ALMS1: variants seen among roughly 807,000 people sequenced by gnomAD.
ALMS1 encodes the protein ALMS1 centrosome and basal body associated protein.
Under a neutral mutation model 352.2 loss-of-function variants are expected in ALMS1, and 271 were observed. The ratio of observed to expected loss-of-function variants is 0.77; its 90% CI spans 0.70 to 0.85. The LOEUF (loss-of-function observed/expected upper bound fraction) is 0.85, where lower values mean the gene tolerates loss of function less well. Among genes scored for constraint, ALMS1 ranks in the 40% least tolerant of loss-of-function variants. ALMS1 has a pLI of 0.00. For missense variants in ALMS1, 5,445 were observed against 4,870.7 expected (o/e 1.12, Z -3.51); for synonymous variants, 1,865 against 1,761.2 (o/e 1.06, Z -1.48).
In ALMS1 at chr2:73,593,170, C is replaced by T. The variant is rs72913456; in HGVS notation, c.11548-6231C>T. 6.9e-3 allele frequency among the ~76,000 whole-genome samples: 1,039 copies of T among 150,300 alleles called. 12 individuals carry two copies. The highest frequency in any genetic ancestry group is 0.023 in the African/African-American group (917 of 40,666). The stretch of plus-strand genomic sequence containing the variant: ...AAGTGAACTGTTTTGGTTTACTGAC[C>T]GCATATATAAATGGATTCAGGAAAA... On this transcript the variant is annotated intron_variant, in intron 16 of 22. Coordinates refer to ENST00000613296, the MANE Select transcript of ALMS1 (RefSeq NM_001378454.1).
chr2:73,544,267 C>CA (rs1006900471), intron 12 of ALMS1, among the ~76,000 whole-genome samples: 41 of 151,930 alleles, frequency 2.7e-4, no homozygotes, highest in Non-Finnish European at 5.6e-4. Flanking sequence ...ATTGCAAAGA[C>CA]AAAAAACCAA....
At chr2:73,570,986 G>A (rs551187420) in intron 15 of ALMS1, among the ~76,000 whole-genome samples, 2 of 151,988 alleles carry the variant, frequency 1.3e-5, no homozygotes, top group Non-Finnish European at 2.9e-5. Context: ...TTTGTTCTTT[G>A]TAGCCCCTAA....
chr2:73,547,315 A>G (rs1674343210), intron 12 of ALMS1, among the ~76,000 whole-genome samples: 1 of 152,250 alleles, frequency 6.6e-6, no homozygotes, highest in South Asian at 2.1e-4. Flanking sequence ...CAAAAAAAGC[A>G]TATTGATTAA....
intron 6 of ALMS1, among the ~76,000 whole-genome samples, chr2:73,430,229 C>T (rs1220488968): frequency 1.3e-4 from 19 of 151,774 alleles, no homozygotes; most frequent in Admixed American, 1.1e-3. Context: ...GGTGCCCGCC[C>T]CCATGCCCGG....
At chr2:73,405,998 G>GTATA (rs966050126) in intron 1 of ALMS1, among the ~76,000 whole-genome samples, 1 of 152,208 alleles carries the variant, frequency 6.6e-6, no homozygotes. Context: ...ATATTGTGCT[G>GTATA]TTGTTGGGTG....
intron 5 of ALMS1, among the ~76,000 whole-genome samples, chr2:73,425,407 C>T (rs1671360046): frequency 6.6e-6 from 1 of 152,248 alleles, no homozygotes; most frequent in African/African-American, 2.4e-5. Context: ...GTAAAAGTTT[C>T]AGAAGCACAT....
chr2:73,443,188 C>G (rs1376964960), intron 7 of ALMS1, among the ~76,000 whole-genome samples: 1 of 152,136 alleles, frequency 6.6e-6, no homozygotes, highest in Non-Finnish European at 1.5e-5. Flanking sequence ...GTTTGGAGTT[C>G]TTGCTTTCCA....
At chr2:73,553,215 C>G (rs1032052382) in intron 13 of ALMS1, among the ~76,000 whole-genome samples, 4 of 152,026 alleles carry the variant, frequency 2.6e-5, no homozygotes, top group African/African-American at 9.7e-5. Flanking sequence ...AAGTGATAAA[C>G]AGAGTTAGAA....
At chr2:73,510,067 C>A (rs1417231383) in intron 10 of ALMS1, among the ~76,000 whole-genome samples, 1 of 152,162 alleles carries the variant, frequency 6.6e-6, no homozygotes, top group African/African-American at 2.4e-5. Context: ...TCAGCTCCAG[C>A]AGGTCATTTA....
chr2:73,413,950 G>A (rs1016512636), intron 2 of ALMS1, among the ~76,000 whole-genome samples: 2 of 151,978 alleles, frequency 1.3e-5, no homozygotes, highest in African/African-American at 4.8e-5. Context: ...CTTAAAATCA[G>A]GTTGTGTGAT....
chr2:73,386,080 A>C lies in ALMS1; in HGVS notation c.212A>C (p.Glu71Ala), dbSNP rs1318273642. The C allele has an allele frequency of 6.3e-7, 1 of 1,596,208 alleles. No individual in the cohort carries two copies. Among genetic ancestry groups the C allele is most frequent in the Admixed American group, 1.7e-5 (1 of 57,544 alleles). Residue 71 changes from glutamate (E) to alanine (A), a missense_variant, in exon 1 of 23, where the codon GAG (glutamate) becomes GCG (alanine). Transcript: ENST00000613296. ...GPQHLESIDDEEDEEAKAWLQ... is the reference protein window; with the variant it reads ...GPQHLESIDDAEDEEAKAWLQ... ...CAGCATCTGGAAAGTATAGACGACG[A>C]GGAGGACGAGGAGGCCAAGGCCTGG...
chr2:73,542,932 A>G (rs1477571742), intron 12 of ALMS1, among the ~76,000 whole-genome samples: 1 of 152,108 alleles, frequency 6.6e-6, no homozygotes, highest in Non-Finnish European at 1.5e-5. Flanking sequence ...GAAAATGGCC[A>G]TACTGCCCAA....
At chr2:73,433,737 A>T (rs1671556308) in intron 7 of ALMS1, among the ~76,000 whole-genome samples, 2 of 152,138 alleles carry the variant, frequency 1.3e-5, no homozygotes, top group South Asian at 4.1e-4. Context: ...CTGTGAAACT[A>T]CCTGGGCTGT....
At chr2:73,385,806 T>TCTCCCCTTCCCCTCC, upstream of ALMS1, 1 of 668,910 alleles carries the variant, frequency 1.5e-6, no homozygotes. Flanking sequence ...CAGTCAGGGC[T>TCTCCCCTTCCCCTCC]CTCCCCTTCC....
At chr2:73,454,250 T>A (rs1370900409) in intron 8 of ALMS1, 183 bp downstream of exon 8, 2 of 968,400 alleles carry the variant, frequency 2.1e-6, no homozygotes, top group Admixed American at 1.2e-4. Context: ...ACTATATTTC[T>A]TCTAACAATC....
intron 9 of ALMS1, among the ~76,000 whole-genome samples, chr2:73,484,201 G>A (rs1672776215): frequency 1.3e-5 from 2 of 151,766 alleles, no homozygotes; most frequent in South Asian, 2.1e-4. Flanking sequence ...TGATTTTGCA[G>A]CGGCTGGTAC....
At chr2:73,481,103 G>C (rs1672693343) in intron 9 of ALMS1, among the ~76,000 whole-genome samples, 1 of 152,146 alleles carries the variant, frequency 6.6e-6, no homozygotes, top group Non-Finnish European at 1.5e-5. Flanking sequence ...TGTCAATTTT[G>C]TCTTTTGTTG....
At position 73,452,939 on chromosome 2, in the gene ALMS1, C is replaced by G. The variant is rs1482346283; in HGVS notation, c.6412C>G (p.Leu2138Val). The G allele has an allele frequency of 6.2e-7, 1 of 1,613,320 alleles. No individual in the cohort carries two copies. The highest frequency in any genetic ancestry group is 8.5e-7 in the Non-Finnish European group (1 of 1,179,708). The change falls in exon 8 of 23, where the codon CTT becomes GTT. Residue 2138 changes from leucine (L) to valine (V), a missense_variant. Transcript: ENST00000613296. ...AGQKTVLPTA[L>V]PSSFSHREKP... ...CCAGAAAACAGTATTACCAACAGCT[C>G]TTCCTAGTTCCTTTTCACATCGAGA...
At chr2:73,531,255 T>C (rs1455772648) in intron 11 of ALMS1, among the ~76,000 whole-genome samples, 1 of 152,228 alleles carries the variant, frequency 6.6e-6, no homozygotes, top group Non-Finnish European at 1.5e-5. Context: ...AACTGAATGC[T>C]TTCAGAATAA....
Sources: allele counts gnomAD v4.1 joint callset (sites outside exome capture counted in the v4.1 genomes callset), GRCh38; gene constraint gnomAD v4.1.1; transcripts MANE v1.5; gene names NCBI Gene and HGNC (gene_info 2026-07-23, HGNC 2026-07-21).